Variants in SLC17A1 observed in about 807,000 individuals in gnomAD.
The protein encoded by SLC17A1 is sodium-dependent phosphate transport protein 1.
SLC17A1 carries 51 observed loss-of-function variants against 53.5 expected under a neutral mutation model. That is an observed-to-expected ratio of 0.95 (90% CI 0.76 to 1.20). The LOEUF is 1.20. SLC17A1 is among the 50% of genes most tolerant of loss of function. The pLI, the probability that SLC17A1 is intolerant of heterozygous loss-of-function variation, is 0.00. For synonymous variants in SLC17A1, 179 were observed against 198.8 expected (o/e 0.90, Z 0.84); for missense variants, 538 against 568.2 (o/e 0.95, Z 0.54).
At chr6:25,755,393 G>A in the SLC17A1 span, among the ~76,000 whole-genome samples, 30 of 152,142 alleles carry the variant, frequency 2.0e-4, no homozygotes, top group Non-Finnish European at 7.4e-5. Context: ...AGAGCCATGG[G>A]CTGTTTCTCA....
the SLC17A1 span, among the ~76,000 whole-genome samples, chr6:25,751,244 A>C: frequency 6.6e-6 from 1 of 152,218 alleles, no homozygotes; most frequent in Non-Finnish European, 1.5e-5. Context: ...TCAGCCCTGA[A>C]GCTATAATTA....
chr6:25,799,410 C>T (rs369021146), intron 11 of SLC17A1, among the ~76,000 whole-genome samples: 3 of 150,942 alleles, frequency 2.0e-5, no homozygotes, highest in Non-Finnish European at 4.4e-5. Flanking sequence ...GTTTTGGATT[C>T]GTTTTGAAGA....
chr6:25,802,940 T>C (rs1470996241), intron 10 of SLC17A1, among the ~76,000 whole-genome samples: 3 of 80,360 alleles, frequency 3.7e-5, no homozygotes, highest in Non-Finnish European at 6.8e-5. Flanking sequence ...TTCTTCTTTT[T>C]TTTTTTTTTT....
At chr6:25,823,048 C>T (rs1486433455) in intron 3 of SLC17A1, among the ~76,000 whole-genome samples, 11 of 152,048 alleles carry the variant, frequency 7.2e-5, no homozygotes, top group South Asian at 4.2e-4. Context: ...GGGAATGCTA[C>T]GGTATGTACT....
chr6:25,804,598 T>TA (rs557040000), intron 10 of SLC17A1, among the ~76,000 whole-genome samples: 10 of 151,822 alleles, frequency 6.6e-5, no homozygotes, highest in East Asian at 3.9e-4. Flanking sequence ...GCAGAATTAA[T>TA]AAAAAAAATC....
At chr6:25,772,662 T>C in the SLC17A1 span, among the ~76,000 whole-genome samples, 1 of 152,226 alleles carries the variant, frequency 6.6e-6, no homozygotes, top group African/African-American at 2.4e-5. Flanking sequence ...CATAATGTAC[T>C]GCTGCTCACT....
intron 12 of SLC17A1, among the ~76,000 whole-genome samples, chr6:25,783,950 T>A (rs1381458802): frequency 6.6e-6 from 1 of 151,380 alleles, no homozygotes; most frequent in Non-Finnish European, 1.5e-5. Context: ...GCTCCTCTGA[T>A]GTCATATTCT....
chr6:25,798,835 T>C lies in SLC17A1; in HGVS notation c.1354A>G (p.Thr452Ala). ...TGLIFYLIVA[T>A]AEIQDWAKEK... ...TTAGCCCAGTCCTGAATTTCTGCTGTAGCAACTATAAGGTAGAAAATTAGG... is the reference window on the plus strand; with the variant it reads ...TTAGCCCAGTCCTGAATTTCTGCTGCAGCAACTATAAGGTAGAAAATTAGG... Residue 452 changes from threonine (T) to alanine (A), a missense_variant, in exon 12 of 13, where the codon ACA becomes GCA. Coordinates refer to ENST00000244527, the MANE Select transcript of SLC17A1 (RefSeq NM_005074.5). 1.9e-6 allele frequency: 3 copies of C among 1,610,794 alleles called. No individual in the cohort carries two copies. Among genetic ancestry groups the C allele is most frequent in the East Asian group, 2.2e-5 (1 of 44,854 alleles).
At chr6:25,820,531 G>A (rs1764515966) in intron 3 of SLC17A1, among the ~76,000 whole-genome samples, 1 of 152,154 alleles carries the variant, frequency 6.6e-6, no homozygotes, top group South Asian at 2.1e-4. Context: ...TTCCAGAAAT[G>A]TATTTGTTAG....
chr6:25,812,529 T>C (rs1336106825), intron 8 of SLC17A1, among the ~76,000 whole-genome samples: 1 of 152,148 alleles, frequency 6.6e-6, no homozygotes, highest in Non-Finnish European at 1.5e-5. Flanking sequence ...CTGCAGGGAA[T>C]GGTGGTGTTG....
chr6:25,750,866 A>G, the SLC17A1 span, among the ~76,000 whole-genome samples: 1 of 152,204 alleles, frequency 6.6e-6, no homozygotes, highest in African/African-American at 2.4e-5. Context: ...TGCAAGGACT[A>G]TTCAAATATG....
the SLC17A1 span, chr6:25,727,127 G>T: frequency 2.0e-5 from 33 of 1,614,204 alleles, no homozygotes; most frequent in Non-Finnish European, 2.8e-5. Flanking sequence ...ATATCTTTGA[G>T]CGTATAGCGA....
At chr6:25,825,487 T>A (rs945501419) in intron 3 of SLC17A1, among the ~76,000 whole-genome samples, 2 of 152,038 alleles carry the variant, frequency 1.3e-5, no homozygotes, top group Non-Finnish European at 2.9e-5. Context: ...CTTATTTGCA[T>A]GGTTTCTGAT....
the SLC17A1 span, among the ~76,000 whole-genome samples, chr6:25,758,695 G>A: frequency 6.6e-6 from 1 of 152,070 alleles, no homozygotes. Flanking sequence ...TCCTTGGTTA[G>A]TGTCGCTGAT....
the SLC17A1 span, among the ~76,000 whole-genome samples, chr6:25,750,766 G>A: frequency 6.6e-6 from 1 of 151,832 alleles, no homozygotes; most frequent in South Asian, 2.1e-4. Flanking sequence ...CTTATCAAGG[G>A]TTATGTCACT....
At chr6:25,801,826 G>A (rs1481171008) in intron 10 of SLC17A1, among the ~76,000 whole-genome samples, 1 of 152,142 alleles carries the variant, frequency 6.6e-6, no homozygotes, top group African/African-American at 2.4e-5. Flanking sequence ...GTTCATAGAG[G>A]AGTCACATCA....
At chr6:25,723,800 G>T in the SLC17A1 span, among the ~76,000 whole-genome samples, 1 of 152,068 alleles carries the variant, frequency 6.6e-6, no homozygotes, top group South Asian at 2.1e-4. Flanking sequence ...AAGGCTGTTG[G>T]GGGGGAAAAT....
chr6:25,733,622 A>G, the SLC17A1 span, among the ~76,000 whole-genome samples: 1 of 152,290 alleles, frequency 6.6e-6, no homozygotes, highest in Admixed American at 6.5e-5. Flanking sequence ...AAGGTTTATA[A>G]CATACACACT....
At chr6:25,732,575 G>T in the SLC17A1 span, 13 of 782,010 alleles carry the variant, frequency 1.7e-5, no homozygotes, top group South Asian at 1.9e-4. Context: ...GGGGCTGCAC[G>T]CTAGCGTACC....
Sources: gnomAD v4.1 joint callset for allele counts (sites outside exome capture counted in the v4.1 genomes callset) on GRCh38, gnomAD v4.1.1 for gene constraint, MANE v1.5 for transcripts, NCBI Gene and HGNC (gene_info 2026-07-23, HGNC 2026-07-21) for gene names.